TLE6: variants seen among roughly 807,000 people sequenced by gnomAD.
The protein encoded by TLE6 is transducin-like enhancer protein 6.
TLE6 carries 72 observed loss-of-function variants against 77.1 expected under a neutral mutation model. The ratio of observed to expected loss-of-function variants is 0.93; its 90% CI spans 0.77 to 1.14. TLE6 has a LOEUF of 1.14. TLE6 is among the 50% of genes most tolerant of loss of function. TLE6 has a pLI of 0.00. For missense variants in TLE6, 843 were observed against 747.6 expected (o/e 1.13, Z -1.49); for synonymous variants, 366 against 287.3 (o/e 1.27, Z -2.77).
chr19:2,989,965 C>T (rs574175900), intron 13 of TLE6, among the ~76,000 whole-genome samples, 180 bp downstream of exon 13: 18 of 152,240 alleles, frequency 1.2e-4, no homozygotes, highest in African/African-American at 2.4e-4. Flanking sequence ...TTTAGAGGTG[C>T]GGACTTGAAT....
intron 5 of TLE6, 72 bp downstream of exon 5, chr19:2,982,261 G>C: frequency 6.6e-7 from 1 of 1,504,410 alleles, no homozygotes; most frequent in Non-Finnish European, 9.0e-7. Flanking sequence ...AGGGGGGCCG[G>C]GCACAGTGGC....
At chr19:2,986,557 T>C (rs1008851148) in intron 5 of TLE6, among the ~76,000 whole-genome samples, 4 of 151,282 alleles carry the variant, frequency 2.6e-5, no homozygotes, top group Non-Finnish European at 5.9e-5. Flanking sequence ...TTACTAAAAA[T>C]ACAAAAATTA....
At chr19:2,984,820 ATTT>A (rs2088874655) in intron 5 of TLE6, among the ~76,000 whole-genome samples, 1 of 148,634 alleles carries the variant, frequency 6.7e-6, no homozygotes, top group African/African-American at 2.6e-5. Flanking sequence ...GCATGACTAT[ATTT>A]ATGTATTATT....
chr19:2,988,177 A>G, intron 11 of TLE6, 49 bp downstream of exon 11: 1 of 1,535,078 alleles, frequency 6.5e-7, no homozygotes, highest in Non-Finnish European at 8.8e-7. Flanking sequence ...GGCAGCGGGA[A>G]TTCCTTCCTG....
intron 2 of TLE6, among the ~76,000 whole-genome samples, chr19:2,979,134 A>C (rs997170171): frequency 1.3e-5 from 2 of 151,476 alleles, no homozygotes; most frequent in African/African-American, 4.9e-5. Flanking sequence ...TTGTATTTTT[A>C]GTAGAGACTG....
intron 5 of TLE6, chr19:2,984,141 G>T (rs1014725339): frequency 6.6e-6 from 1 of 152,022 alleles, no homozygotes; most frequent in Non-Finnish European, 1.5e-5. Context: ...CCGACAGCCC[G>T]CCTGCCACTC....
Position 2,988,155 on chromosome 19 carries a change from G to A in TLE6, c.740+27G>A, listed in dbSNP as rs550101176. On this transcript the variant is annotated intron_variant, in intron 11 of 16. Coordinates refer to ENST00000246112, the MANE Select transcript of TLE6 (RefSeq NM_001143986.2). ...TAAGTGTCTGCACTGTTTGCTTTTG[G>A]GCGGGGTGAGGGGCAGCGGGAATTC... 4.4e-5 allele frequency: 68 copies of A among 1,550,458 alleles called. No homozygotes were observed. The East Asian group carries it at 4.4e-4, about 10-fold the overall frequency.
Position 2,987,114 on chromosome 19 carries a change from C to A in TLE6, c.417C>A (p.Asp139Glu). 1.2e-6 allele frequency: 2 copies of A among 1,614,110 alleles called. No homozygotes were observed. The highest frequency in any genetic ancestry group is 8.5e-7 in the Non-Finnish European group (1 of 1,180,024). The part of the protein sequence containing the change: ...SDWLRRPLGE[D>E]NQPETQLFWD... Reference sequence around the variant, plus strand: ...GGCTCCGGCGGCCTTTGGGGGAGGACAATCAGCCGGAGACCCAGCTGTTCT... The same window carrying A: ...GGCTCCGGCGGCCTTTGGGGGAGGAAAATCAGCCGGAGACCCAGCTGTTCT... The change falls in exon 7 of 17, where the codon GAC (aspartate) becomes GAA (glutamate). Residue 139 changes from aspartate (D) to glutamate (E), a missense_variant. Physicochemically the swap from Asp to Glu is conservative, Grantham distance 45 (BLOSUM62 2). Coordinates refer to ENST00000246112, the MANE Select transcript of TLE6 (RefSeq NM_001143986.2).
Position 2,987,238 on chromosome 19 carries a change from C to T in TLE6, c.541C>T (p.Gln181Ter), listed in dbSNP as rs201776641. The part of the protein sequence containing the change: ...HDEKAKPRDR[Q>*]QAPGLGQESK... ...TGAGAAGGCAAAGCCCAGAGACAGA[C>T]GTGAGTGTCCCTGAGGGTGAGGGGG... The change falls in exon 7 of 17, where the codon CAG (glutamine) becomes TAG (stop). Residue 181 changes from glutamine to a stop codon, truncating the protein, a stop_gained and splice_region_variant. Coordinates refer to ENST00000246112, the MANE Select transcript of TLE6 (RefSeq NM_001143986.2). LOFTEE classifies it high-confidence loss of function. The T allele has an allele frequency of 1.6e-5, 26 of 1,613,998 alleles. No homozygotes were observed. Among genetic ancestry groups the T allele is most frequent in the African/African-American group, 8.0e-5 (6 of 74,922 alleles).
At chr19:2,988,585 G>A (rs1279154246) in intron 11 of TLE6, among the ~76,000 whole-genome samples, 1 of 151,984 alleles carries the variant, frequency 6.6e-6, no homozygotes, top group Non-Finnish European at 1.5e-5. Flanking sequence ...GTGACAGCAA[G>A]ACTCCGTCTC....
rs1292371213 is a variant in TLE6, at chr19:2,989,686, G to T, written c.1145G>T (p.Cys382Phe). ...CAGTTGCCCTGTGCAGGTCTCAACT[G>T]CCAGGCCCTGGATGCCAACCTGGAT... ...KEQLPCAGLN[C>F]QALDANLDAN... The change falls in exon 13 of 17, where the codon TGC (cysteine) becomes TTC (phenylalanine). Residue 382 changes from cysteine (C) to phenylalanine (F), a missense_variant. Coordinates refer to ENST00000246112, the MANE Select transcript of TLE6 (RefSeq NM_001143986.2). 2.5e-6 allele frequency: 4 copies of T among 1,614,218 alleles called. No individual in the cohort carries two copies. Among genetic ancestry groups the T allele is most frequent in the South Asian group, 1.1e-5 (1 of 91,082 alleles).
intron 3 of TLE6, among the ~76,000 whole-genome samples, chr19:2,980,648 A>C (rs1004079654): frequency 2.0e-5 from 3 of 151,736 alleles, no homozygotes; most frequent in Non-Finnish European, 4.4e-5. Context: ...AGGCAGGAGA[A>C]TCTCTTGAAC....
rs954121474 is a variant in TLE6, at chr19:2,987,226, C to T, written c.529C>T (p.Pro177Ser). The T allele has an allele frequency of 6.2e-7, 1 of 1,614,124 alleles. No individual in the cohort carries two copies. Among genetic ancestry groups the T allele is most frequent in the Non-Finnish European group, 8.5e-7 (1 of 1,180,020 alleles). The change falls in exon 7 of 17, where the codon CCC becomes TCC. Residue 177 changes from proline to serine, a missense_variant. Coordinates refer to ENST00000246112, the MANE Select transcript of TLE6 (RefSeq NM_001143986.2). ...FAGVHDEKAK[P>S]RDRQQAPGLG... The stretch of plus-strand genomic sequence containing the variant: ...CGGCGTCCACGATGAGAAGGCAAAG[C>T]CCAGAGACAGACGTGAGTGTCCCTG...
In TLE6 at chr19:2,989,537, C is replaced by G; in HGVS notation, c.996C>G (p.Thr332=). The change falls in exon 13 of 17, where the codon ACC becomes ACG. Residue 332 remains threonine, a splice_region_variant and synonymous_variant. Transcript: ENST00000246112. ...RFPESHLPIQ[T]PGAFLRTCLL... ...CACAGTGACTCTGCCCATCCCAGACCCCTGGGGCCTTCCTGCGCACCTGCC... is the reference window on the plus strand; with the variant it reads ...CACAGTGACTCTGCCCATCCCAGACGCCTGGGGCCTTCCTGCGCACCTGCC... The G allele has an allele frequency of 6.2e-7, 1 of 1,611,380 alleles. No homozygotes were observed. Among genetic ancestry groups the G allele is most frequent in the Non-Finnish European group, 8.5e-7 (1 of 1,179,378 alleles).
intron 3 of TLE6, 83 bp from the exon 4 acceptor site, chr19:2,981,455 C>T (rs979583720): frequency 8.0e-5 from 117 of 1,469,362 alleles, no homozygotes; most frequent in Middle Eastern, 1.7e-4. Flanking sequence ...TTGAGACCCT[C>T]CCTAGGGGTT....
At chr19:2,981,915 T>A (rs2088806288) in intron 4 of TLE6, among the ~76,000 whole-genome samples, 1 of 151,538 alleles carries the variant, frequency 6.6e-6, no homozygotes, top group Admixed American at 6.6e-5. Flanking sequence ...GAGGTTGCGG[T>A]GAACTGAGAT....
At chr19:2,987,832 G>A (rs574646935) in intron 9 of TLE6, 42 bp downstream of exon 9, 18 of 1,613,954 alleles carry the variant, frequency 1.1e-5, no homozygotes, top group South Asian at 8.8e-5. Context: ...CAGGCGGGAT[G>A]GGGTGGGGGC....
At chr19:2,992,793 A>AAGGGGG (rs1487334518) in intron 14 of TLE6, among the ~76,000 whole-genome samples, 1 of 19,758 alleles carries the variant, frequency 5.1e-5, no homozygotes, top group Non-Finnish European at 8.1e-5. Flanking sequence ...AAAAAAAAAA[A>AAGGGGG]GGGGGGGAGG....
chr19:2,990,630 T>C lies in TLE6; in HGVS notation c.1244+845T>C, dbSNP rs568790039. 2.1e-4 allele frequency among the ~76,000 whole-genome samples: 27 copies of C among 128,654 alleles called. No individual in the cohort carries two copies. The East Asian group carries it at 5.3e-3, about 25-fold the overall frequency. 84.4% of individuals were successfully genotyped at this position (128,654 alleles called of 152,430 possible). A position where few individuals can be genotyped will look rare whatever the true frequency, so the allele number is the denominator to read the frequency against. On this transcript the variant is annotated intron_variant, in intron 13 of 16. Transcript: ENST00000246112. ...CAAAAAAGAAAAAAAAATACACACA[T>C]ATATAAATAAATATATATATAAATA...
Sources: gnomAD v4.1 joint callset for allele counts (sites outside exome capture counted in the v4.1 genomes callset) on GRCh38, gnomAD v4.1.1 for gene constraint, MANE v1.5 for transcripts, NCBI Gene and HGNC (gene_info 2026-07-23, HGNC 2026-07-21) for gene names.